The following GPR35 variants were observed in gnomAD, a reference collection of about 807,000 sequenced individuals.
The protein encoded by GPR35 is KYNA receptor.
For synonymous variants in GPR35, 207 were observed against 198.4 expected (o/e 1.04, Z -0.36); for missense variants, 372 against 422.5 (o/e 0.88, Z 1.05).
intron 2 of GPR35, among the ~76,000 whole-genome samples, chr2:240,609,133 A>C (rs919512402): frequency 6.6e-6 from 1 of 152,200 alleles, no homozygotes; most frequent in Admixed American, 6.5e-5. Flanking sequence ...CAATCTAGCC[A>C]GAGCTTTCTC....
rs764380323 is a variant in GPR35 at position 240,630,877 on chromosome 2, G to A, written c.925G>A (p.Ala309Thr). 3.8e-5 allele frequency: 61 copies of A among 1,608,654 alleles called. No individual in the cohort carries two copies. The highest frequency in any genetic ancestry group is 2.0e-4 in the Admixed American group (12 of 59,920). The change falls in exon 2 of 2, where the codon GCC becomes ACC. Residue 309 changes from alanine to threonine, a missense_variant. Physicochemically the swap from Ala to Thr is moderately conservative, Grantham distance 58 (BLOSUM62 0). Coordinates refer to ENST00000407714, the MANE Select transcript of GPR35 (RefSeq NM_005301.5). ...CCAGGACTCTCTGTGCGTGACCCTC[G>A]CCTAAGAGGCGTGCTGTGGGCGCTG... ...KSQDSLCVTL[A>T]
At chr2:240,629,912 A>C (rs2975785) in intron 1 of GPR35, 37 bp from the exon 2 acceptor site, 3 of 1,545,246 alleles carry the variant, frequency 1.9e-6, no homozygotes, top group Non-Finnish European at 1.8e-6. Flanking sequence ...CCCCCTGCTC[A>C]CTCTCTGCTG....
chr2:240,631,600 TG>T lies in GPR35; in HGVS notation c.*720del. On this transcript the variant is annotated 3_prime_UTR_variant, in exon 2 of 2. Coordinates refer to ENST00000407714, the MANE Select transcript of GPR35 (RefSeq NM_005301.5). ...TTGGGGTGGGTGGCAGTGAAGGGGG[TG>T]GCCAGGGTCTGTCAAGGAACCCAGC... 6.6e-6 allele frequency among the ~76,000 whole-genome samples: 1 copy of T among 151,732 alleles called. No homozygotes were observed.
chr2:240,625,840 T>C lies in GPR35; in HGVS notation c.-5+272T>C, dbSNP rs1313869062. Among the ~76,000 whole-genome samples the C allele has an allele frequency of 2.3e-3, 38 of 16,352 alleles. 1 individual carries two copies. Among genetic ancestry groups the C allele is most frequent in the East Asian group, 0.015 (10 of 674 alleles). The allele number at this position is 16,352 out of a possible 152,430, so 10.7% of individuals were successfully genotyped here. A position where few individuals can be genotyped will look rare whatever the true frequency, so the allele number is the denominator to read the frequency against. ...TGAGGCTGTGATGGGTGTCTCAGAG[T>C]GGGGTGAGGCTGTGATGGGTGTCTC... On this transcript the variant is annotated intron_variant, in intron 1 of 1. Transcript: ENST00000407714.
upstream of GPR35, among the ~76,000 whole-genome samples, chr2:240,624,702 G>A (rs750523836): frequency 1.3e-5 from 2 of 152,220 alleles, no homozygotes; most frequent in Non-Finnish European, 2.9e-5. Context: ...CGAGGCTCCT[G>A]CCCTCAGGGT....
intron 2 of GPR35, among the ~76,000 whole-genome samples, chr2:240,609,865 A>G (rs1300083657): frequency 6.6e-6 from 1 of 151,646 alleles, no homozygotes; most frequent in Non-Finnish European, 1.5e-5. Flanking sequence ...CAGTTCTATC[A>G]GCTTCCTTCA....
intron 2 of GPR35, among the ~76,000 whole-genome samples, chr2:240,610,223 G>T (rs1353104449): frequency 2.0e-5 from 3 of 152,172 alleles, no homozygotes; most frequent in Non-Finnish European, 4.4e-5. Flanking sequence ...CTCCCAAAGT[G>T]CTGGGATTAC....
rs1416682226 is a variant in GPR35 at position 240,630,744 on chromosome 2, C to G, written c.792C>G (p.Leu264=). Residue 264 remains leucine, a synonymous_variant, in exon 2 of 2, where the codon CTC becomes CTG. Coordinates refer to ENST00000407714, the MANE Select transcript of GPR35 (RefSeq NM_005301.5). Reference sequence around the variant, plus strand: ...GCGCCCTGTACATAACCAGCAAGCTCTCAGATGCCAACTGCTGCCTGGACG... The same window carrying G: ...GCGCCCTGTACATAACCAGCAAGCTGTCAGATGCCAACTGCTGCCTGGACG... ...IRRALYITSK[L]SDANCCLDAI... 2 of 1,613,592 alleles carry G rather than the reference C, an allele frequency of 1.2e-6. No homozygotes were observed. Among genetic ancestry groups the G allele is most frequent in the Non-Finnish European group, 1.7e-6 (2 of 1,180,042 alleles).
chr2:240,625,374 A>G, upstream of GPR35: 1 of 985,372 alleles, frequency 1.0e-6, no homozygotes, highest in Non-Finnish European at 1.2e-6. Flanking sequence ...GCAGTGGGGA[A>G]CTCCTGTTAC....
intron 2 of GPR35, chr2:240,607,588 T>C (rs1408055426): frequency 6.6e-6 from 1 of 152,214 alleles, no homozygotes; most frequent in Non-Finnish European, 1.5e-5. Flanking sequence ...TGTTTTCCAA[T>C]GCTTGTAAAT....
At chr2:240,626,902 G>A (rs1257153763) in intron 1 of GPR35, among the ~76,000 whole-genome samples, 2 of 152,200 alleles carry the variant, frequency 1.3e-5, no homozygotes, top group East Asian at 1.9e-4. Context: ...TGGCTGGATC[G>A]CCCGTCTATG....
chr2:240,624,268 C>T (rs1467865650), upstream of GPR35, among the ~76,000 whole-genome samples: 1 of 152,120 alleles, frequency 6.6e-6, no homozygotes, highest in Non-Finnish European at 1.5e-5. Flanking sequence ...GAGGATGAGG[C>T]CCCTCTCCAA....
chr2:240,605,930 G>T (rs1462720593), intron 1 of GPR35, among the ~76,000 whole-genome samples: 1 of 152,216 alleles, frequency 6.6e-6, no homozygotes, highest in Admixed American at 6.5e-5. Flanking sequence ...GGTCTTTTCT[G>T]CTTTGGAGGA....
chr2:240,613,904 C>A (rs1306676834), intron 2 of GPR35, among the ~76,000 whole-genome samples: 2 of 151,512 alleles, frequency 1.3e-5, no homozygotes, highest in African/African-American at 2.4e-5. Context: ...CTAACCATAA[C>A]ACTAACTCCA....
At chr2:240,626,818 G>A (rs2043383174) in intron 1 of GPR35, among the ~76,000 whole-genome samples, 1 of 152,174 alleles carries the variant, frequency 6.6e-6, no homozygotes, top group Non-Finnish European at 1.5e-5. Flanking sequence ...TCAATCCCAG[G>A]CCAGCCAGGC....
chr2:240,630,953 G>A lies in GPR35; in HGVS notation c.*71G>A, dbSNP rs1406298921. On this transcript the variant is annotated 3_prime_UTR_variant, in exon 2 of 2. Coordinates refer to ENST00000407714, the MANE Select transcript of GPR35 (RefSeq NM_005301.5). ...AGGTGCTGCCTGCCAGGGGAAGCTG[G>A]AACCAGTAGCAAGGAGCCCGAGATC... 6 of 1,345,314 alleles carry A rather than the reference G, an allele frequency of 4.5e-6. No homozygotes were observed. The highest frequency in any genetic ancestry group is 6.3e-6 in the Non-Finnish European group (6 of 958,854). The allele number at this position is 1,345,314 out of a possible 1,614,324, so 83.3% of individuals were successfully genotyped here.
upstream of GPR35, among the ~76,000 whole-genome samples, chr2:240,623,367 C>T (rs34288528): frequency 0.15 from 12,345 of 79,736 alleles, 2,090 homozygotes; most frequent in East Asian, 0.31. Context: ...GTCGTGAGGG[C>T]GCAAACAGGT....
chr2:240,630,935 G>T lies in GPR35; in HGVS notation c.*53G>T, dbSNP rs566004779. On this transcript the variant is annotated 3_prime_UTR_variant, in exon 2 of 2. Coordinates refer to ENST00000407714, the MANE Select transcript of GPR35 (RefSeq NM_005301.5). ...GGTCTCGGGGGCTCCGGGAGGTGCT[G>T]CCTGCCAGGGGAAGCTGGAACCAGT... 17 of 1,464,876 alleles carry T rather than the reference G, an allele frequency of 1.2e-5. No homozygotes were observed. The highest frequency in any genetic ancestry group is 1.6e-5 in the Non-Finnish European group (17 of 1,062,712). The allele number at this position is 1,464,876 out of a possible 1,614,324, so 90.7% of individuals were successfully genotyped here. A position where few individuals can be genotyped will look rare whatever the true frequency, so the allele number is the denominator to read the frequency against.
chr2:240,615,834 G>A (rs758428418), intron 2 of GPR35, among the ~76,000 whole-genome samples: 4 of 152,126 alleles, frequency 2.6e-5, no homozygotes, highest in Non-Finnish European at 4.4e-5. Context: ...TTTATTCAAC[G>A]GAGGCTACCA....
Sources: gnomAD v4.1 joint callset for allele counts (sites outside exome capture counted in the v4.1 genomes callset) on GRCh38, gnomAD v4.1.1 for gene constraint, MANE v1.5 for transcripts, NCBI Gene and HGNC (gene_info 2026-07-23, HGNC 2026-07-21) for gene names.